The following FSTL4 variants were observed in gnomAD, a reference collection of about 807,000 sequenced individuals.
The protein encoded by FSTL4 is follistatin-related protein 4.
Under a neutral mutation model 78.2 loss-of-function variants are expected in FSTL4, and 28 were observed. The observed-to-expected ratio is 0.36, with a 90% CI of 0.27 to 0.49. FSTL4 has a LOEUF of 0.49. FSTL4 is among the 20% of genes least tolerant of loss of function. The pLI, the probability that FSTL4 is intolerant of heterozygous loss-of-function variation, is 0.98. For missense variants in FSTL4, 922 were observed against 1,084.9 expected (o/e 0.85, Z 2.11); for synonymous variants, 422 against 440.5 (o/e 0.96, Z 0.53).
chr5:133,494,299 C>G (rs1758327052), intron 3 of FSTL4, among the ~76,000 whole-genome samples: 1 of 151,694 alleles, frequency 6.6e-6, no homozygotes, highest in Non-Finnish European at 1.5e-5. Context: ...CTTTTACCTG[C>G]CACTGGGGCC....
At chr5:133,313,108 C>CTA (rs1335131436) in intron 5 of FSTL4, among the ~76,000 whole-genome samples, 1 of 152,186 alleles carries the variant, frequency 6.6e-6, no homozygotes, top group Non-Finnish European at 1.5e-5. Context: ...CTGCTGTGTG[C>CTA]TATAGATGGG....
At chr5:133,534,803 C>T (rs1427788644) in intron 3 of FSTL4, among the ~76,000 whole-genome samples, 1 of 152,160 alleles carries the variant, frequency 6.6e-6, no homozygotes, top group Non-Finnish European at 1.5e-5. Context: ...GCATCTCTCC[C>T]AAAATTGTCT....
At chr5:133,391,013 A>G (rs1580672819) in intron 4 of FSTL4, among the ~76,000 whole-genome samples, 1 of 152,208 alleles carries the variant, frequency 6.6e-6, no homozygotes, top group East Asian at 1.9e-4. Flanking sequence ...ATCACTAGGC[A>G]GCAGAGGAAC....
chr5:133,434,040 T>C (rs765947196), intron 3 of FSTL4, among the ~76,000 whole-genome samples: 15 of 151,986 alleles, frequency 9.9e-5, no homozygotes, highest in East Asian at 1.9e-4. Context: ...CTGATTTACA[T>C]TGAAAACAGA....
intron 3 of FSTL4, among the ~76,000 whole-genome samples, chr5:133,554,237 G>A (rs1207919379): frequency 6.6e-6 from 1 of 152,206 alleles, no homozygotes; most frequent in African/African-American, 2.4e-5. Context: ...CTGACCTTTG[G>A]GAAATCCAGA....
At chr5:133,396,795 A>T (rs1304625908) in intron 4 of FSTL4, among the ~76,000 whole-genome samples, 1 of 152,178 alleles carries the variant, frequency 6.6e-6, no homozygotes, top group Non-Finnish European at 1.5e-5. Context: ...CAAAATACTG[A>T]GTTTTTATGT....
At position 133,199,518 on chromosome 5, in the gene FSTL4, G is replaced by C; in HGVS notation, c.2106C>G (p.Val702=). ...PHTSPDGRFI[V]SAAADSPWLH... ...GCCAGGGGCTGTCAGCTGCAGCACTGACTATGAAGCGCCCGTCGGGGGATG... is the reference window on the plus strand; with the variant it reads ...GCCAGGGGCTGTCAGCTGCAGCACTCACTATGAAGCGCCCGTCGGGGGATG... The change falls in exon 16 of 16, where the codon GTC becomes GTG. Residue 702 remains valine, a synonymous_variant. Coordinates refer to ENST00000265342, the MANE Select transcript of FSTL4 (RefSeq NM_015082.2). This position sits in a 1 kb window ranked among gnomAD's most constrained non-coding sequence, Gnocchi z 4.4. 6.2e-7 allele frequency: 1 copy of C among 1,614,150 alleles called. No homozygotes were observed. The highest frequency in any genetic ancestry group is 8.5e-7 in the Non-Finnish European group (1 of 1,179,960).
chr5:133,750,528 A>T, the FSTL4 span, among the ~76,000 whole-genome samples: 1 of 152,084 alleles, frequency 6.6e-6, no homozygotes, highest in Admixed American at 6.5e-5. Flanking sequence ...CAGGAGCATC[A>T]CTGTGGGTGA....
At chr5:133,816,840 G>C in the FSTL4 span, among the ~76,000 whole-genome samples, 1 of 152,230 alleles carries the variant, frequency 6.6e-6, no homozygotes, top group Non-Finnish European at 1.5e-5. Context: ...TGGGGAAAAA[G>C]TCATGGCACC....
At chr5:133,357,915 G>A (rs1377800916) in intron 4 of FSTL4, among the ~76,000 whole-genome samples, 2 of 152,220 alleles carry the variant, frequency 1.3e-5, no homozygotes, top group African/African-American at 4.8e-5. Flanking sequence ...AGCTGAGTCT[G>A]GGCAGAGGCA....
the FSTL4 span, among the ~76,000 whole-genome samples, chr5:133,673,355 C>T: frequency 2.0e-5 from 3 of 152,300 alleles, no homozygotes; most frequent in South Asian, 6.2e-4. Context: ...GGCAGAGCAG[C>T]CCCAGCCTGG....
the FSTL4 span, among the ~76,000 whole-genome samples, chr5:133,705,021 G>A: frequency 2.6e-5 from 4 of 152,216 alleles, no homozygotes; most frequent in African/African-American, 9.6e-5. Context: ...AGTGCCTGAT[G>A]TCTGTGGTGG....
chr5:133,731,745 CAG>C, the FSTL4 span, among the ~76,000 whole-genome samples: 2 of 152,146 alleles, frequency 1.3e-5, no homozygotes, highest in African/African-American at 4.8e-5. Flanking sequence ...TACTGAGTCA[CAG>C]AGCATCCCCC....
intron 4 of FSTL4, among the ~76,000 whole-genome samples, chr5:133,378,490 T>C (rs1755493287): frequency 6.6e-6 from 1 of 152,176 alleles, no homozygotes; most frequent in Non-Finnish European, 1.5e-5. Context: ...ACATACAAAT[T>C]ATATAACTAT....
the FSTL4 span, among the ~76,000 whole-genome samples, chr5:133,621,477 T>TA: frequency 6.6e-6 from 1 of 152,326 alleles, no homozygotes; most frequent in South Asian, 2.1e-4. Flanking sequence ...TAGAGACTGT[T>TA]ATTCTAAGTG....
At chr5:133,288,697 A>G (rs1055133698) in intron 6 of FSTL4, among the ~76,000 whole-genome samples, 1 of 152,174 alleles carries the variant, frequency 6.6e-6, no homozygotes, top group East Asian at 1.9e-4. Context: ...GTGTCCTGGA[A>G]AGTGAAGGTA....
At chr5:133,499,062 G>A (rs933491328) in intron 3 of FSTL4, among the ~76,000 whole-genome samples, 4 of 150,248 alleles carry the variant, frequency 2.7e-5, no homozygotes, top group African/African-American at 4.9e-5. Context: ...ATGTAACAAC[G>A]GATATAGCAT....
At chr5:133,466,124 C>T (rs923882306) in intron 3 of FSTL4, among the ~76,000 whole-genome samples, 2 of 152,252 alleles carry the variant, frequency 1.3e-5, no homozygotes, top group African/African-American at 4.8e-5. Context: ...CCACATCCTG[C>T]TCCCCATATG....
At chr5:133,396,522 G>T (rs1265667713) in intron 4 of FSTL4, among the ~76,000 whole-genome samples, 1 of 152,178 alleles carries the variant, frequency 6.6e-6, no homozygotes, top group Non-Finnish European at 1.5e-5. Flanking sequence ...TCACAGCCCT[G>T]CAGCTGGATC....
Sources: gnomAD v4.1 joint callset for allele counts (sites outside exome capture counted in the v4.1 genomes callset) on GRCh38, gnomAD v4.1.1 for gene constraint, Gnocchi (gnomAD v3.1) non-coding constraint, MANE v1.5 for transcripts, NCBI Gene and HGNC (gene_info 2026-07-23, HGNC 2026-07-21) for gene names.